Variants in DENND3 observed in about 807,000 individuals in gnomAD.
DENND3 encodes DENN domain-containing protein 3.
DENND3 carries 88 observed loss-of-function variants against 135.1 expected under a neutral mutation model. The ratio of observed to expected loss-of-function variants is 0.65; its 90% CI spans 0.55 to 0.78. The LOEUF (loss-of-function observed/expected upper bound fraction) is 0.78. Among genes scored for constraint, DENND3 ranks in the 30% least tolerant of loss-of-function variants. The probability of loss-of-function intolerance (pLI) is 0.00; values close to 1 mark genes in which losing one functional copy is unlikely to be tolerated. For synonymous variants in DENND3, 693 were observed against 712.3 expected (o/e 0.97, Z 0.43); for missense variants, 1,392 against 1,688.4 (o/e 0.82, Z 3.08).
rs77041703 is a variant in DENND3, at chr8:141,151,970, G to A, written c.1074+133G>A. The A allele has an allele frequency of 1.0e-3, 1,135 of 1,091,972 alleles. 11 individuals carry two copies. The East Asian group carries it at 0.024, about 23-fold the overall frequency. 67.6% of individuals were successfully genotyped at this position (1,091,972 alleles called of 1,614,324 possible). A position where few individuals can be genotyped will look rare whatever the true frequency, so the allele number is the denominator to read the frequency against. Reference sequence around the variant, plus strand: ...GTGCCGCAGAGAGGTCACGGGTACCGTGAGAAGTGGCTGTTCACTCACTGT... The same window carrying A: ...GTGCCGCAGAGAGGTCACGGGTACCATGAGAAGTGGCTGTTCACTCACTGT... On this transcript the variant is annotated intron_variant, in intron 7 of 22. Transcript: ENST00000519811.
At chr8:141,178,859 G>C (rs963010547) in intron 16 of DENND3, among the ~76,000 whole-genome samples, 2 of 152,168 alleles carry the variant, frequency 1.3e-5, no homozygotes, top group African/African-American at 4.8e-5. Flanking sequence ...GGGTTTTCTG[G>C]TCTTCTTGTG....
At chr8:141,172,115 G>A (rs565356767) in intron 13 of DENND3, among the ~76,000 whole-genome samples, 1,504 of 149,344 alleles carry the variant, frequency 0.01, 14 homozygotes, top group Middle Eastern at 0.07. Flanking sequence ...GCACGGTGGT[G>A]GGCGTGCACG....
At chr8:141,164,464 C>T (rs1820517398) in intron 10 of DENND3, among the ~76,000 whole-genome samples, 2 of 152,194 alleles carry the variant, frequency 1.3e-5, no homozygotes, top group Admixed American at 1.3e-4. Context: ...ATAGCCTAAC[C>T]CATCTGCTAA....
chr8:141,177,864 C>A (rs1822597514), intron 15 of DENND3: 3 of 614,758 alleles, frequency 4.9e-6, no homozygotes, highest in Admixed American at 3.8e-5. Flanking sequence ...ACTGGCTGAG[C>A]CCTGGTATAA....
chr8:141,192,243 G>A (rs1047924212), intron 20 of DENND3, 88 bp from the exon 21 acceptor site: 2 of 1,547,900 alleles, frequency 1.3e-6, no homozygotes, highest in Admixed American at 1.8e-5. Context: ...TCACCACGCT[G>A]GAAAGAGCAG....
intron 5 of DENND3, among the ~76,000 whole-genome samples, chr8:141,149,757 C>T (rs894351465): frequency 6.6e-6 from 1 of 152,234 alleles, no homozygotes; most frequent in Admixed American, 6.5e-5. Context: ...GAAGGTGTCC[C>T]CCGCTGGGAC....
At position 141,172,457 on chromosome 8, in the gene DENND3, C is replaced by T. The variant is rs556043140; in HGVS notation, c.2276-2743C>T. Among the ~76,000 whole-genome samples, 102 of 152,256 alleles carry T rather than the reference C, an allele frequency of 6.7e-4. 1 individual carries two copies. Among genetic ancestry groups the T allele is most frequent in the Middle Eastern group, 6.8e-3 (2 of 294 alleles). ...CTGAGCGCCCTCACACTGAGGTCAGCGCTGTTATCTGTGAGAAGAAGCTGT... is the reference window on the plus strand; with the variant it reads ...CTGAGCGCCCTCACACTGAGGTCAGTGCTGTTATCTGTGAGAAGAAGCTGT... On this transcript the variant is annotated intron_variant, in intron 13 of 22. Coordinates refer to ENST00000519811, the MANE Select transcript of DENND3 (RefSeq NM_001352890.3).
intron 4 of DENND3, chr8:141,142,780 C>T (rs1817618721): frequency 6.0e-6 from 1 of 166,638 alleles, no homozygotes; most frequent in Non-Finnish European, 1.3e-5. Context: ...TCACTAATCT[C>T]TAGTTTCCTC....
chr8:141,186,235 G>A (rs1823872557), intron 18 of DENND3, among the ~76,000 whole-genome samples: 1 of 152,150 alleles, frequency 6.6e-6, no homozygotes. Flanking sequence ...TGTTTCCTGG[G>A]AACCCTGGTG....
chr8:141,190,253 A>G lies in DENND3; in HGVS notation c.3246-31A>G, dbSNP rs752910576. ...CACAGTGTTTTCAGGGGCCCAAGTT[A>G]AAGGTGTGTGTGTGTGTTTTGTGCC... On this transcript the variant is annotated intron_variant, in intron 19 of 22. Coordinates refer to ENST00000519811, the MANE Select transcript of DENND3 (RefSeq NM_001352890.3). 5 of 1,540,580 alleles carry G rather than the reference A, an allele frequency of 3.2e-6. No individual in the cohort carries two copies. The East Asian group carries it at 1.2e-4, about 37-fold the overall frequency.
chr8:141,170,234 G>T (rs1821351932), intron 13 of DENND3, among the ~76,000 whole-genome samples: 1 of 152,160 alleles, frequency 6.6e-6, no homozygotes, highest in African/African-American at 2.4e-5. Flanking sequence ...AGGCCCTTGG[G>T]AAAAGCTGTC....
chr8:141,128,767 G>A lies in DENND3; in HGVS notation c.60G>A (p.Ala20=), dbSNP rs1480665160. Reference sequence around the variant, plus strand: ...CCTCGGGGCTGCTGGAGCTCTGCGCGCTGCTGGGCGCCCCCCGGGACAGTC... The same window carrying A: ...CCTCGGGGCTGCTGGAGCTCTGCGCACTGCTGGGCGCCCCCCGGGACAGTC... ...SLPSGLLELC[A]LLGAPRDSLR... is the part of the protein sequence containing the mutation. Residue 20 remains alanine (A), a synonymous_variant, in exon 1 of 23, where the codon GCG becomes GCA. Transcript: ENST00000519811. The surrounding 1 kb of genome is among the most constrained non-coding windows in gnomAD (Gnocchi z 4.5). 4.1e-6 allele frequency: 6 copies of A among 1,469,566 alleles called. No homozygotes were observed. Among genetic ancestry groups the A allele is most frequent in the Non-Finnish European group, 5.4e-6 (6 of 1,113,494 alleles). The allele number at this position is 1,469,566 out of a possible 1,614,324, so 91.0% of individuals were successfully genotyped here. A position where few individuals can be genotyped will look rare whatever the true frequency, so the allele number is the denominator to read the frequency against.
In DENND3 at chr8:141,190,266, T is replaced by C. The variant is rs769843010; in HGVS notation, c.3246-18T>C. 3.8e-6 allele frequency: 6 copies of C among 1,572,348 alleles called. No homozygotes were observed. The highest frequency in any genetic ancestry group is 2.4e-5 in the South Asian group (2 of 84,316). ...GGGGCCCAAGTTAAAGGTGTGTGTG[T>C]GTGTTTTGTGCCCCCAGCAACGTGT... is the stretch of plus-strand genomic sequence containing the variant. On this transcript the variant is annotated intron_variant, in intron 19 of 22. Coordinates refer to ENST00000519811, the MANE Select transcript of DENND3 (RefSeq NM_001352890.3).
At chr8:141,160,522 A>G in intron 8 of DENND3, 110 bp from the exon 9 acceptor site, 1 of 1,258,446 alleles carries the variant, frequency 7.9e-7, no homozygotes. Flanking sequence ...CAAATTATTG[A>G]TCGGTATTTG....
intron 13 of DENND3, among the ~76,000 whole-genome samples, chr8:141,170,812 C>T (rs1166893410): frequency 3.9e-5 from 6 of 152,360 alleles, no homozygotes; most frequent in Middle Eastern, 3.4e-3. Context: ...TGTCATCTAG[C>T]GCCAGCTCCT....
Position 141,168,148 on chromosome 8 carries a change from C to T in DENND3, c.1898C>T (p.Ser633Phe). Residue 633 changes from serine to phenylalanine, a missense_variant, in exon 13 of 23, where the codon TCT becomes TTT. Transcript: ENST00000519811. This position sits in a 1 kb window ranked among gnomAD's most constrained non-coding sequence, Gnocchi z 6.2. The part of the protein sequence containing the change: ...EAMCFLAPDN[S>F]LLLARYLYLR... ...ATGTGCTTTCTGGCCCCCGATAACT[C>T]TCTGCTCCTGGCCCGCTATTTGTAC... The T allele has an allele frequency of 6.2e-7, 1 of 1,614,242 alleles. No homozygotes were observed. The highest frequency in any genetic ancestry group is 8.5e-7 in the Non-Finnish European group (1 of 1,180,052).
chr8:141,192,771 T>A, intron 22 of DENND3, 108 bp downstream of exon 22: 1 of 1,602,800 alleles, frequency 6.2e-7, no homozygotes, highest in Non-Finnish European at 8.5e-7. Context: ...CCCTCCTGCC[T>A]TCGCCTCTCA....
chr8:141,155,496 TG>T (rs1210927719), intron 7 of DENND3, among the ~76,000 whole-genome samples: 14 of 151,430 alleles, frequency 9.2e-5, no homozygotes, highest in Non-Finnish European at 4.4e-5. Context: ...CTCAACCTCC[TG>T]GGCTCAAGGG....
intron 18 of DENND3, among the ~76,000 whole-genome samples, chr8:141,186,982 G>A (rs1157778720): frequency 6.6e-6 from 1 of 152,166 alleles, no homozygotes; most frequent in African/African-American, 2.4e-5. Context: ...CGTGGCCTGC[G>A]CGCCCTTTGT....
Sources: gnomAD v4.1 joint callset for allele counts (sites outside exome capture counted in the v4.1 genomes callset) on GRCh38, gnomAD v4.1.1 for gene constraint, Gnocchi (gnomAD v3.1) non-coding constraint, MANE v1.5 for transcripts, NCBI Gene and HGNC (gene_info 2026-07-23, HGNC 2026-07-21) for gene names.